The following DAB2 variants were observed in gnomAD, a reference collection of about 807,000 sequenced individuals.
DAB2 encodes the protein disabled homolog 2.
DAB2 carries 28 observed loss-of-function variants against 71.6 expected under a neutral mutation model. That is an observed-to-expected ratio of 0.39 (90% CI 0.29 to 0.54). DAB2 has a LOEUF of 0.54. Among genes scored for constraint, DAB2 ranks in the 20% least tolerant of loss-of-function variants. DAB2 has a pLI of 0.68. For missense variants in DAB2, 867 were observed against 928.8 expected (o/e 0.93, Z 0.86); for synonymous variants, 345 against 339.7 (o/e 1.02, Z -0.17).
At chr5:39,382,534 C>G in intron 10 of DAB2, 84 bp downstream of exon 10, 3 of 1,382,976 alleles carry the variant, frequency 2.2e-6, no homozygotes, top group Non-Finnish European at 3.0e-6. Context: ...ACTACGAGAG[C>G]AGCAGGAAAG....
In DAB2 at chr5:39,422,425, GCTTTGT is replaced by G. The variant is rs1756012470; in HGVS notation, c.-102+2373_-102+2378del. ...CTTTCCCAAGCATTTCAGCATCTTG[GCTTTGT>G]CTTTAAGAAGAGCAATAATTAAATC... On this transcript the variant is annotated intron_variant, in intron 1 of 14. Coordinates refer to ENST00000320816, the MANE Select transcript of DAB2 (RefSeq NM_001343.4). This position sits in a 1 kb window ranked among gnomAD's most constrained non-coding sequence, Gnocchi z 4.1. Among the ~76,000 whole-genome samples, 1 of 152,176 alleles carries G rather than the reference GCTTTGT, an allele frequency of 6.6e-6. No individual in the cohort carries two copies. Among genetic ancestry groups the G allele is most frequent in the African/African-American group, 2.4e-5 (1 of 41,448 alleles).
At chr5:39,404,129 T>G in intron 1 of DAB2, among the ~76,000 whole-genome samples, 1 of 151,702 alleles carries the variant, frequency 6.6e-6, no homozygotes, top group East Asian at 1.9e-4. Flanking sequence ...TATAATCCTT[T>G]GGGTATATAC....
intron 1 of DAB2, among the ~76,000 whole-genome samples, chr5:39,403,559 T>A (rs1755547567): frequency 1.3e-5 from 2 of 152,182 alleles, no homozygotes; most frequent in Non-Finnish European, 2.9e-5. Context: ...AGATTCCTTT[T>A]TGCCTAGGTA....
chr5:39,409,882 C>T (rs191808967), intron 1 of DAB2, among the ~76,000 whole-genome samples: 51 of 152,258 alleles, frequency 3.3e-4, no homozygotes, highest in Admixed American at 9.2e-4. Flanking sequence ...GATAGTGTTT[C>T]GGAGAACTAA....
chr5:39,404,241 T>C (rs1755560623), intron 1 of DAB2, among the ~76,000 whole-genome samples: 1 of 97,884 alleles, frequency 1.0e-5, no homozygotes, highest in Non-Finnish European at 1.9e-5. Flanking sequence ...CCAGGGTCTG[T>C]TGTGGGGTGG....
At chr5:39,376,507 T>G (rs1754834731) in intron 12 of DAB2, 143 bp downstream of exon 12, 1 of 956,306 alleles carries the variant, frequency 1.0e-6, no homozygotes, top group South Asian at 1.6e-5. Flanking sequence ...ATGGTTAAGT[T>G]GTCTCCGTAA....
intron 1 of DAB2, among the ~76,000 whole-genome samples, chr5:39,396,177 G>A (rs1220986871): frequency 1.3e-5 from 2 of 151,954 alleles, no homozygotes; most frequent in Admixed American, 1.3e-4. Context: ...TCAAGCTCCT[G>A]ACCTTGTGAT....
At chr5:39,377,723 T>C (rs374459236) in intron 11 of DAB2, among the ~76,000 whole-genome samples, 6 of 152,216 alleles carry the variant, frequency 3.9e-5, no homozygotes, top group Admixed American at 2.0e-4. Context: ...AGATAATCCA[T>C]TGGACTCTCT....
intron 1 of DAB2, among the ~76,000 whole-genome samples, chr5:39,406,050 G>T (rs907779747): frequency 6.6e-6 from 1 of 152,134 alleles, no homozygotes; most frequent in South Asian, 2.1e-4. Context: ...AGGCTTTAAA[G>T]CTCAAAGGTA....
At chr5:39,400,648 T>C (rs1188172637) in intron 1 of DAB2, among the ~76,000 whole-genome samples, 1 of 152,210 alleles carries the variant, frequency 6.6e-6, no homozygotes, top group East Asian at 1.9e-4. Context: ...TTATATATAC[T>C]GTCTCTCTTG....
Position 39,389,850 on chromosome 5 carries a change from G to T in DAB2, c.543+2C>A. On this transcript the variant is annotated splice_donor_variant, in intron 6 of 14. Coordinates refer to ENST00000320816, the MANE Select transcript of DAB2 (RefSeq NM_001343.4). LOFTEE classifies it high-confidence loss of function. ...ATAGAGCCTTAATCAGGTAGTACTTGCCTTTTTCTTTTCTTCTTCCTTTTT... is the reference window on the plus strand; with the variant it reads ...ATAGAGCCTTAATCAGGTAGTACTTTCCTTTTTCTTTTCTTCTTCCTTTTT... The T allele has an allele frequency of 6.7e-7, 1 of 1,502,466 alleles. No homozygotes were observed. The highest frequency in any genetic ancestry group is 1.8e-5 in the Admixed American group (1 of 55,250). The allele number at this position is 1,502,466 out of a possible 1,614,324, so 93.1% of individuals were successfully genotyped here.
chr5:39,377,646 A>T (rs1280462959), intron 11 of DAB2, among the ~76,000 whole-genome samples: 1 of 152,228 alleles, frequency 6.6e-6, no homozygotes, highest in African/African-American at 2.4e-5. Flanking sequence ...GCCTGTTAAT[A>T]GCAGGAACTT....
intron 1 of DAB2, among the ~76,000 whole-genome samples, chr5:39,413,760 T>C (rs1387172007): frequency 1.3e-5 from 2 of 152,330 alleles, no homozygotes; most frequent in East Asian, 3.9e-4. Context: ...GGCGATGCGC[T>C]TTCTGTATTT....
intron 1 of DAB2, among the ~76,000 whole-genome samples, chr5:39,398,288 C>T (rs1420333226): frequency 6.6e-6 from 1 of 152,090 alleles, no homozygotes; most frequent in Non-Finnish European, 1.5e-5. Flanking sequence ...GACCAGGTAT[C>T]GAATCTAGCG....
At chr5:39,410,803 G>C (rs548943527) in intron 1 of DAB2, among the ~76,000 whole-genome samples, 65 of 19,678 alleles carry the variant, frequency 3.3e-3, no homozygotes, top group Non-Finnish European at 8.3e-3. Flanking sequence ...TGTCTAACCT[G>C]CTTAAAAAAA....
intron 9 of DAB2, among the ~76,000 whole-genome samples, chr5:39,386,947 A>G (rs1013504939): frequency 6.6e-6 from 1 of 152,250 alleles, no homozygotes; most frequent in Non-Finnish European, 1.5e-5. Flanking sequence ...TAAAAAGTTT[A>G]TCCTCAGAAC....
chr5:39,376,771 C>G lies in DAB2; in HGVS notation c.2016G>C (p.Glu672Asp). 2 of 1,614,162 alleles carry G rather than the reference C, an allele frequency of 1.2e-6. No homozygotes were observed. Among genetic ancestry groups the G allele is most frequent in the South Asian group, 1.1e-5 (1 of 91,082 alleles). ...CACTCAAAGTCCCAGAAGAAGTCTG[C>G]TCTCCCTTCCGCGCGGGCACAGCAG... is the stretch of plus-strand genomic sequence containing the variant. ...QPPAVPARKG[E>D]QTSSGTLSAF... Residue 672 changes from glutamate to aspartate, a missense_variant, in exon 12 of 15, where the codon GAG (glutamate) becomes GAC (aspartate). This residue lies in a region of DAB2 where 740 missense variants were observed against 734.3 expected (regional missense o/e 1.01). Transcript: ENST00000320816.
At chr5:39,395,227 A>G (rs1755331174) in intron 1 of DAB2, among the ~76,000 whole-genome samples, 1 of 6,544 alleles carries the variant, frequency 1.5e-4, no homozygotes, top group Non-Finnish European at 2.2e-3. Flanking sequence ...CCAGGAGCCA[A>G]TGTTTCTATA....
chr5:39,396,260 G>C (rs142899010), intron 1 of DAB2, among the ~76,000 whole-genome samples: 1 of 152,278 alleles, frequency 6.6e-6, no homozygotes, highest in Non-Finnish European at 1.5e-5. Flanking sequence ...GTAGAACCAG[G>C]TTTGTAACCC....
Sources: allele counts gnomAD v4.1 joint callset (sites outside exome capture counted in the v4.1 genomes callset), GRCh38; gene constraint gnomAD v4.1.1; regional missense constraint gnomAD v4.1.1; non-coding constraint Gnocchi (gnomAD v3.1); transcripts MANE v1.5; gene names NCBI Gene and HGNC (gene_info 2026-07-23, HGNC 2026-07-21).